HS3ST3A1: variants seen among roughly 807,000 people sequenced by gnomAD.
The protein encoded by HS3ST3A1 is heparan sulfate glucosamine 3-O-sulfotransferase 3A1.
In HS3ST3A1, 19 loss-of-function variants were observed where a neutral mutation model predicts 25.7. The observed-to-expected ratio is 0.74, with a 90% CI of 0.52 to 1.08. The LOEUF is 1.08. Among genes scored for constraint, HS3ST3A1 ranks in the 50% least tolerant of loss-of-function variants. The pLI is 0.00. For missense variants in HS3ST3A1, 459 were observed against 594.3 expected, an observed-to-expected ratio of 0.77 and a Z score of 2.37; for synonymous variants, 226 against 278.6, an observed-to-expected ratio of 0.81 and a Z score of 1.88.
In HS3ST3A1 at chr17:13,497,507, T is replaced by C. The variant is rs1428414575; in HGVS notation, c.600-689A>G. 6.6e-5 allele frequency among the ~76,000 whole-genome samples: 10 copies of C among 152,226 alleles called. No individual in the cohort carries two copies. In the South Asian group the frequency reaches 1.0e-3, roughly 16 times the overall value. The stretch of plus-strand genomic sequence containing the variant: ...AATTCTGACTTTCTGTTGTTCAACA[T>C]GTCCTTGATGATTCTGGTCCGTTTA... On this transcript the variant is annotated intron_variant, in intron 1 of 1. Coordinates refer to ENST00000284110, the MANE Select transcript of HS3ST3A1 (RefSeq NM_006042.3).
At chr17:13,544,391 T>C (rs1324271609) in intron 1 of HS3ST3A1, among the ~76,000 whole-genome samples, 2 of 152,226 alleles carry the variant, frequency 1.3e-5, no homozygotes, top group Non-Finnish European at 2.9e-5. Flanking sequence ...ATGCTAGTCC[T>C]TCAGCTGTAG....
intron 1 of HS3ST3A1, among the ~76,000 whole-genome samples, chr17:13,556,514 G>GAAATAAAATAAAATAAAATAAAATA (rs71369397): frequency 0.05 from 7,304 of 145,788 alleles, 274 homozygotes; most frequent in African/African-American, 0.083. Flanking sequence ...TCTCAAAAAA[G>GAAATAAAATAAAATAAAATAAAATA]AAATAAAATA....
At chr17:13,538,692 A>G (rs186949386) in intron 1 of HS3ST3A1, among the ~76,000 whole-genome samples, 2 of 152,238 alleles carry the variant, frequency 1.3e-5, no homozygotes, top group East Asian at 3.9e-4. Flanking sequence ...ACTGTGCAGC[A>G]TCTACCAATG....
intron 1 of HS3ST3A1, among the ~76,000 whole-genome samples, chr17:13,521,745 T>C (rs1847815169): frequency 6.6e-6 from 1 of 152,212 alleles, no homozygotes; most frequent in African/African-American, 2.4e-5. Context: ...TTTATCATAT[T>C]GTTACAGGCA....
rs142198617 is a variant in HS3ST3A1 at position 13,587,630 on chromosome 17, T to A, written c.599+12901A>T. Among the ~76,000 whole-genome samples, 309 of 152,182 alleles carry A rather than the reference T, an allele frequency of 2.0e-3. 2 individuals carry two copies. Among genetic ancestry groups the A allele is most frequent in the African/African-American group, 7.0e-3 (290 of 41,516 alleles). ...TACTACTCCTAAATGATTCATATGG[T>A]ACCCAGGCATCTAAAGGAAAAAGAG... On this transcript the variant is annotated intron_variant, in intron 1 of 1. Transcript: ENST00000284110.
Position 13,601,125 on chromosome 17 carries a change from G to C in HS3ST3A1, c.5C>G (p.Ala2Gly). M[A>G]PPGPASALST... is the part of the protein sequence containing the mutation. ...GAGGGCACTGGCCGGGCCCGGAGGG[G>C]CCATCCTAGCCGGAGGCGACGTCGG... Residue 2 changes from alanine to glycine, a missense_variant, in exon 1 of 2, where the codon GCC (alanine) becomes GGC (glycine). Ala to Gly is a moderately conservative substitution (Grantham distance 60). Transcript: ENST00000284110. 1 of 1,542,648 alleles carries C rather than the reference G, an allele frequency of 6.5e-7. No homozygotes were observed. Among genetic ancestry groups the C allele is most frequent in the Non-Finnish European group, 8.7e-7 (1 of 1,147,690 alleles).
intron 1 of HS3ST3A1, among the ~76,000 whole-genome samples, chr17:13,519,411 G>A (rs1300954110): frequency 6.6e-6 from 1 of 152,126 alleles, no homozygotes; most frequent in Non-Finnish European, 1.5e-5. Flanking sequence ...GCTGCAAACG[G>A]CTGATGCTGG....
intron 1 of HS3ST3A1, among the ~76,000 whole-genome samples, chr17:13,521,447 G>A (rs1906236316): frequency 6.6e-6 from 1 of 152,196 alleles, no homozygotes; most frequent in South Asian, 2.1e-4. Flanking sequence ...GAGTGCTGTT[G>A]AGTTTCAATG....
chr17:13,562,766 G>T (rs1843272227), intron 1 of HS3ST3A1, among the ~76,000 whole-genome samples: 1 of 152,088 alleles, frequency 6.6e-6, no homozygotes. Context: ...AAGGCACCCA[G>T]CTGAGCTCCA....
intron 1 of HS3ST3A1, among the ~76,000 whole-genome samples, chr17:13,500,870 C>A (rs1905451496): frequency 1.3e-5 from 2 of 152,148 alleles, no homozygotes; most frequent in Admixed American, 6.5e-5. Context: ...GTGGAAGCAA[C>A]ACAAGTGTGT....
At chr17:13,523,700 T>C (rs1037700151) in intron 1 of HS3ST3A1, among the ~76,000 whole-genome samples, 2 of 152,202 alleles carry the variant, frequency 1.3e-5, no homozygotes, top group Admixed American at 6.5e-5. Flanking sequence ...CTGTTTTCAA[T>C]TGGTTGTTTT....
Position 13,600,876 on chromosome 17 carries a change from G to A in HS3ST3A1, c.254C>T (p.Ala85Val), listed in dbSNP as rs1447705492. 2 of 1,464,662 alleles carry A rather than the reference G, an allele frequency of 1.4e-6. No individual in the cohort carries two copies. The highest frequency in any genetic ancestry group is 2.8e-5 in the Admixed American group (1 of 35,510). 90.7% of individuals were successfully genotyped at this position (1,464,662 alleles called of 1,614,324 possible). ...PRELAVWPAA[A>V]QRKRLLQLPQ... ...CAGTTGCAGGAGGCGCTTTCTCTGTGCCGCCGCCGGCCACACCGCCAGCTC... is the reference window on the plus strand; with the variant it reads ...CAGTTGCAGGAGGCGCTTTCTCTGTACCGCCGCCGGCCACACCGCCAGCTC... The change falls in exon 1 of 2, where the codon GCA becomes GTA. Residue 85 changes from alanine (A) to valine (V), a missense_variant. Coordinates refer to ENST00000284110, the MANE Select transcript of HS3ST3A1 (RefSeq NM_006042.3).
intron 1 of HS3ST3A1, among the ~76,000 whole-genome samples, chr17:13,515,764 G>A (rs897631143): frequency 6.6e-6 from 1 of 152,114 alleles, no homozygotes; most frequent in African/African-American, 2.4e-5. Context: ...CAAAAGCAAT[G>A]TATGAGGGTT....
intron 1 of HS3ST3A1, among the ~76,000 whole-genome samples, chr17:13,502,766 T>C (rs1212456494): frequency 6.6e-6 from 1 of 152,042 alleles, no homozygotes; most frequent in Non-Finnish European, 1.5e-5. Flanking sequence ...CCAGATCACC[T>C]GGAGATACAA....
At chr17:13,510,495 T>G (rs909502192) in intron 1 of HS3ST3A1, among the ~76,000 whole-genome samples, 19 of 152,196 alleles carry the variant, frequency 1.2e-4, no homozygotes, top group Non-Finnish European at 1.2e-4. Context: ...TTGTTGGTTG[T>G]TTGTTCATTC....
intron 1 of HS3ST3A1, among the ~76,000 whole-genome samples, chr17:13,552,559 G>A (rs1165349015): frequency 6.6e-6 from 1 of 152,166 alleles, no homozygotes; most frequent in East Asian, 1.9e-4. Flanking sequence ...ATCTTAGGTG[G>A]CTGGCTTTGG....
chr17:13,522,645 A>G (rs189965172), intron 1 of HS3ST3A1, among the ~76,000 whole-genome samples: 124 of 152,358 alleles, frequency 8.1e-4, no homozygotes, highest in African/African-American at 2.8e-3. Context: ...ATCTCACTTT[A>G]CAGACAGATG....
At chr17:13,530,464 A>C (rs1343852823) in intron 1 of HS3ST3A1, among the ~76,000 whole-genome samples, 1 of 152,142 alleles carries the variant, frequency 6.6e-6, no homozygotes, top group Non-Finnish European at 1.5e-5. Context: ...ACTTGTACCA[A>C]GTTAGCCAGA....
intron 1 of HS3ST3A1, among the ~76,000 whole-genome samples, chr17:13,528,032 G>C (rs915779479): frequency 6.6e-6 from 1 of 152,132 alleles, no homozygotes; most frequent in African/African-American, 2.4e-5. Context: ...GGGGTGGCCA[G>C]ATACATGTAT....
Sources: gnomAD v4.1 joint callset for allele counts (sites outside exome capture counted in the v4.1 genomes callset) on GRCh38, gnomAD v4.1.1 for gene constraint, MANE v1.5 for transcripts, NCBI Gene and HGNC (gene_info 2026-07-23, HGNC 2026-07-21) for gene names.